Variants in UNC13B observed in about 807,000 individuals in gnomAD.
UNC13B encodes unc-13 homolog B.
A neutral mutation model predicts 211.0 loss-of-function variants in UNC13B; 144 were observed. That is an observed-to-expected ratio of 0.68 (90% CI 0.60 to 0.78). The LOEUF (loss-of-function observed/expected upper bound fraction) is 0.78. UNC13B is among the 30% of genes least tolerant of loss of function. The pLI is 0.00. For synonymous variants in UNC13B, 709 were observed against 725.8 expected, an observed-to-expected ratio of 0.98 and a Z score of 0.37; for missense variants, 1,777 against 2,002.0, an observed-to-expected ratio of 0.89 and a Z score of 2.14.
chr9:35,174,579 A>G (rs1028918559), intron 1 of UNC13B, among the ~76,000 whole-genome samples: 2 of 140,920 alleles, frequency 1.4e-5, no homozygotes, highest in Non-Finnish European at 3.0e-5. Context: ...ACAGAGTCTC[A>G]CTCTGTTGCC....
intron 27 of UNC13B, 62 bp from the exon 28 acceptor site, chr9:35,396,779 G>A: frequency 6.2e-7 from 1 of 1,608,880 alleles, no homozygotes; most frequent in South Asian, 1.1e-5. Flanking sequence ...TGGTGGAGCT[G>A]TCAGGAAGTG....
chr9:35,309,222 AGTGTGTGTGTGTGTGTGTGTGTGT>A (rs5897599), intron 9 of UNC13B, among the ~76,000 whole-genome samples: 2 of 145,144 alleles, frequency 1.4e-5, no homozygotes, highest in Non-Finnish European at 3.0e-5. Context: ...GGTCAGGGTC[AGTGTGTGTGTGTGTGTGTGTGTGT>A]GTGTGTGTGT....
intron 7 of UNC13B, among the ~76,000 whole-genome samples, chr9:35,287,427 C>T (rs1828862067): frequency 6.6e-6 from 1 of 152,168 alleles, no homozygotes; most frequent in Non-Finnish European, 1.5e-5. Context: ...CCACCATGCC[C>T]GACTTCACTG....
At chr9:35,271,138 CAA>C (rs34349679) in intron 7 of UNC13B, among the ~76,000 whole-genome samples, 18 of 75,686 alleles carry the variant, frequency 2.4e-4, no homozygotes, top group Admixed American at 6.2e-4. Context: ...GACTCCATTT[CAA>C]AAAAAAAAAA....
At position 35,308,249 on chromosome 9, in the gene UNC13B, T is replaced by G. The variant is rs145025288; in HGVS notation, c.8845T>G (p.Cys2949Gly). Residue 2949 changes from cysteine to glycine, a missense_variant, in exon 9 of 40, where the codon TGT (cysteine) becomes GGT (glycine). Transcript: ENST00000635942. Reference sequence around the variant, plus strand: ...CAAAGCCAACCTGTCTAGCCCCGCCTGTCCTTCAGGGAAACATGAGGAAGA... The same window carrying G: ...CAAAGCCAACCTGTCTAGCCCCGCCGGTCCTTCAGGGAAACATGAGGAAGA... ...DTKANLSSPA[C>G]PSGKHEEEPS... 6.6e-3 allele frequency: 2,626 copies of G among 399,164 alleles called. 17 individuals carry two copies. The highest frequency in any genetic ancestry group is 8.4e-3 in the Admixed American group (192 of 22,736). 24.7% of individuals were successfully genotyped at this position (399,164 alleles called of 1,614,324 possible).
At chr9:35,358,173 G>T (rs746304747) in intron 11 of UNC13B, among the ~76,000 whole-genome samples, 1 of 152,190 alleles carries the variant, frequency 6.6e-6, no homozygotes, top group African/African-American at 2.4e-5. Flanking sequence ...GTATTCCATT[G>T]TACACATGTA....
rs566501937 is a variant in UNC13B, at chr9:35,370,850, T to C, written c.9540+454T>C. 1.3e-5 allele frequency among the ~76,000 whole-genome samples: 2 copies of C among 152,348 alleles called. 1 individual carries two copies. The highest frequency in any genetic ancestry group is 4.1e-4 in the South Asian group (2 of 4,828). On this transcript the variant is annotated intron_variant, in intron 13 of 39. Transcript: ENST00000635942. ...AGACATAGGCTTTTGAGACTATCTC[T>C]GTAACCTAGTGTCAGGCACTGAGAG...
chr9:35,380,594 G>T lies in UNC13B; in HGVS notation c.10330G>T (p.Glu3444Ter). ...SDDFLGQTII[E>*]VRTLSGEMDV... ...TGATTTCCTTGGCCAAACCATCATT[G>T]AGGTTCGGACCCTAAGTGGCGAGAT... The change falls in exon 18 of 40, where the codon GAG (glutamate) becomes TAG (stop). Residue 3444 changes from glutamate (E) to a stop codon, truncating the protein, a stop_gained. Coordinates refer to ENST00000635942, the MANE Select transcript of UNC13B (RefSeq NM_001371189.2). LOFTEE classifies it high-confidence loss of function. 6.2e-7 allele frequency: 1 copy of T among 1,614,218 alleles called. No homozygotes were observed. The highest frequency in any genetic ancestry group is 8.5e-7 in the Non-Finnish European group (1 of 1,180,024).
chr9:35,309,321 G>A (rs1830076281), intron 9 of UNC13B, among the ~76,000 whole-genome samples: 1 of 151,708 alleles, frequency 6.6e-6, no homozygotes, highest in South Asian at 2.1e-4. Context: ...CAGTGACCTG[G>A]TACCTATTCT....
intron 7 of UNC13B, 151 bp from the exon 8 acceptor site, chr9:35,295,545 C>T (rs1220257136): frequency 4.7e-6 from 3 of 644,090 alleles, no homozygotes; most frequent in Non-Finnish European, 8.1e-6. Context: ...CAGTTCTGCT[C>T]ATGGCTCTGA....
intron 1 of UNC13B, among the ~76,000 whole-genome samples, chr9:35,185,140 A>G (rs1044718592): frequency 6.6e-6 from 1 of 152,196 alleles, no homozygotes; most frequent in Non-Finnish European, 1.5e-5. Context: ...TTATAGCAAG[A>G]AGGCTCCTCT....
chr9:35,338,736 C>G (rs570542466), intron 11 of UNC13B, among the ~76,000 whole-genome samples: 2 of 152,322 alleles, frequency 1.3e-5, no homozygotes, highest in East Asian at 3.9e-4. Context: ...TTGTACTCTG[C>G]GTCTGTGTTG....
At position 35,243,390 on chromosome 9, in the gene UNC13B, A is replaced by C; in HGVS notation, c.468+26A>C. 3.7e-6 allele frequency: 6 copies of C among 1,611,894 alleles called. No homozygotes were observed. The South Asian group carries it at 5.5e-5, about 15-fold the overall frequency. On this transcript the variant is annotated intron_variant, in intron 6 of 39. Coordinates refer to ENST00000635942, the MANE Select transcript of UNC13B (RefSeq NM_001371189.2). The stretch of plus-strand genomic sequence containing the variant: ...GTAGGAGCAGCCTTATTTGCAGTAT[A>C]GAGAGATGGGGGAAAATCTCCAATG...
chr9:35,298,788 T>C (rs946530664), intron 8 of UNC13B, among the ~76,000 whole-genome samples: 6 of 152,206 alleles, frequency 3.9e-5, no homozygotes, highest in African/African-American at 1.4e-4. Context: ...CAGTCTTTAA[T>C]CTAAGTGAAA....
chr9:35,391,674 T>C (rs1272102074), intron 26 of UNC13B, among the ~76,000 whole-genome samples: 1 of 152,234 alleles, frequency 6.6e-6, no homozygotes, highest in Non-Finnish European at 1.5e-5. Flanking sequence ...TGCCACTTAG[T>C]GAGCCTGATG....
rs529662152 is a variant in UNC13B at position 35,317,222 on chromosome 9, A to G, written c.9414+3233A>G. Among the ~76,000 whole-genome samples the G allele has an allele frequency of 1.3e-3, 197 of 152,212 alleles. 2 individuals carry two copies. The highest frequency in any genetic ancestry group is 2.2e-3 in the Non-Finnish European group (152 of 68,004). ...AATGTTTGTTTATTTATTTATTGAG[A>G]CAGGGTCTTACTCTGTCGCTTAGGC... On this transcript the variant is annotated intron_variant, in intron 11 of 39. Coordinates refer to ENST00000635942, the MANE Select transcript of UNC13B (RefSeq NM_001371189.2).
chr9:35,185,448 T>A (rs2131321872), intron 1 of UNC13B, among the ~76,000 whole-genome samples: 1 of 152,314 alleles, frequency 6.6e-6, no homozygotes, highest in Middle Eastern at 3.4e-3. Context: ...GCAGGACAGT[T>A]CTCAAATTCT....
At position 35,302,298 on chromosome 9, in the gene UNC13B, C is replaced by G. The variant is rs1829723778; in HGVS notation, c.2894C>G (p.Ser965Ter). 2.5e-6 allele frequency: 1 copy of G among 398,142 alleles called. No homozygotes were observed. The highest frequency in any genetic ancestry group is 1.3e-4 in the South Asian group (1 of 7,842). The allele number at this position is 398,142 out of a possible 1,614,324, so 24.7% of individuals were successfully genotyped here. A position where few individuals can be genotyped will look rare whatever the true frequency, so the allele number is the denominator to read the frequency against. Residue 965 changes from serine to a stop codon, truncating the protein, a stop_gained, in exon 9 of 40, where the codon TCA becomes TGA. Transcript: ENST00000635942. LOFTEE classifies it high-confidence loss of function. ...INCPEDAKLNSIKSSSVPNIH... is the reference protein window; with the variant it reads ...INCPEDAKLN ...TGTCCTGAAGATGCCAAACTTAATT[C>G]AATAAAATCTAGTTCAGTTCCAAAT...
At chr9:35,354,237 A>C (rs556760287) in intron 11 of UNC13B, among the ~76,000 whole-genome samples, 14 of 152,318 alleles carry the variant, frequency 9.2e-5, no homozygotes, top group African/African-American at 3.4e-4. Flanking sequence ...AGGGCTGAGA[A>C]AGAATCCTGT....
Sources: allele counts gnomAD v4.1 joint callset (sites outside exome capture counted in the v4.1 genomes callset), GRCh38; gene constraint gnomAD v4.1.1; transcripts MANE v1.5; gene names NCBI Gene and HGNC (gene_info 2026-07-23, HGNC 2026-07-21).